Variants in GRK3 observed in about 807,000 individuals in gnomAD.
GRK3 encodes the protein adrenergic, beta, receptor kinase 2.
GRK3 carries 54 observed loss-of-function variants against 95.7 expected under a neutral mutation model. The ratio of observed to expected loss-of-function variants is 0.56; its 90% confidence interval spans 0.45 to 0.71. The LOEUF is 0.71. Ranked by LOEUF, GRK3 falls within the 30% of genes least tolerant of loss-of-function variation. The pLI, the probability that GRK3 is intolerant of heterozygous loss-of-function variation, is 0.00. For synonymous variants in GRK3, 281 were observed against 290.8 expected (o/e 0.97, Z 0.34); for missense variants, 649 against 851.2 (o/e 0.76, Z 2.96).
chr22:25,586,807 G>A (rs1392624151), intron 1 of GRK3, among the ~76,000 whole-genome samples: 4 of 152,240 alleles, frequency 2.6e-5, no homozygotes, highest in Non-Finnish European at 5.9e-5. Flanking sequence ...AAAGACAACA[G>A]CAAGACCTGG....
chr22:25,650,773 G>A (rs1250146717), intron 3 of GRK3, among the ~76,000 whole-genome samples: 1 of 152,112 alleles, frequency 6.6e-6, no homozygotes, highest in Non-Finnish European at 1.5e-5. Context: ...CACACTAAAT[G>A]GGCATTATTT....
chr22:25,573,749 A>G (rs2146312569), intron 1 of GRK3, among the ~76,000 whole-genome samples: 2 of 152,250 alleles, frequency 1.3e-5, no homozygotes, highest in African/African-American at 4.8e-5. Context: ...AAATACAAAA[A>G]TTAGCTGGGC....
At chr22:25,629,735 G>A (rs549265243) in intron 2 of GRK3, among the ~76,000 whole-genome samples, 18 of 152,276 alleles carry the variant, frequency 1.2e-4, no homozygotes, top group African/African-American at 4.3e-4. Context: ...AACACCCATG[G>A]AAAGTTTCAA....
chr22:25,690,175 C>T lies in GRK3; in HGVS notation c.958-14C>T. On this transcript the variant is annotated splice_polypyrimidine_tract_variant and intron_variant, in intron 11 of 20. Coordinates refer to ENST00000324198, the MANE Select transcript of GRK3 (RefSeq NM_005160.4). Reference sequence around the variant, plus strand: ...TGGGGCACTCTTATTAAAGATTATTCTCTTTCTGTTTAGCCAGCAAATATT... The same window carrying T: ...TGGGGCACTCTTATTAAAGATTATTTTCTTTCTGTTTAGCCAGCAAATATT... The T allele has an allele frequency of 6.2e-7, 1 of 1,603,722 alleles. No individual in the cohort carries two copies. The highest frequency in any genetic ancestry group is 8.5e-7 in the Non-Finnish European group (1 of 1,170,834).
chr22:25,683,703 A>G (rs1034811594), intron 9 of GRK3, among the ~76,000 whole-genome samples: 3 of 151,194 alleles, frequency 2.0e-5, no homozygotes, highest in African/African-American at 7.3e-5. Flanking sequence ...TTTTTTCCCC[A>G]TTTTTCTGGG....
At chr22:25,569,836 C>A (rs745359309) in intron 1 of GRK3, among the ~76,000 whole-genome samples, 7 of 151,788 alleles carry the variant, frequency 4.6e-5, no homozygotes, top group South Asian at 4.2e-4. Flanking sequence ...TCATTTGTCC[C>A]CACAGTAGTT....
intron 6 of GRK3, among the ~76,000 whole-genome samples, chr22:25,668,322 C>T (rs2084956472): frequency 6.6e-6 from 1 of 152,150 alleles, no homozygotes; most frequent in African/African-American, 2.4e-5. Flanking sequence ...TTGAGTATGT[C>T]TCTGTGACAA....
intron 3 of GRK3, among the ~76,000 whole-genome samples, chr22:25,657,416 A>G (rs367669733): frequency 1.3e-5 from 2 of 152,154 alleles, no homozygotes; most frequent in African/African-American, 4.8e-5. Context: ...TCCATATGAA[A>G]TGTGTCTATC....
chr22:25,687,396 A>G (rs113047032), intron 10 of GRK3, 141 bp from the exon 11 acceptor site: 44 of 753,290 alleles, frequency 5.8e-5, no homozygotes, highest in African/African-American at 5.8e-4. Flanking sequence ...TTGCTAAACT[A>G]CAGGAATGAA....
At chr22:25,669,624 G>A (rs1280446159) in intron 6 of GRK3, among the ~76,000 whole-genome samples, 1 of 152,154 alleles carries the variant, frequency 6.6e-6, no homozygotes, top group Non-Finnish European at 1.5e-5. Context: ...TGTCAAAAGT[G>A]TCCCACTCAG....
chr22:25,683,634 T>C (rs1376616711), intron 9 of GRK3, among the ~76,000 whole-genome samples: 3 of 152,238 alleles, frequency 2.0e-5, no homozygotes, highest in Admixed American at 1.3e-4. Context: ...ACATCGAGGT[T>C]GAGCATCTGT....
At chr22:25,603,024 C>T (rs2084419485) in intron 1 of GRK3, among the ~76,000 whole-genome samples, 1 of 152,188 alleles carries the variant, frequency 6.6e-6, no homozygotes, top group South Asian at 2.1e-4. Flanking sequence ...TCAAGTGATT[C>T]TCCTGCCTCA....
Position 25,635,772 on chromosome 22 carries a change from G to A in GRK3, c.191-8820G>A, listed in dbSNP as rs557586856. Reference sequence around the variant, plus strand: ...TTAGTTATGAGTTTTCCCTTTGTAAGTAAGTAACTCGTGGAAGTTACTTTT... The same window carrying A: ...TTAGTTATGAGTTTTCCCTTTGTAAATAAGTAACTCGTGGAAGTTACTTTT... On this transcript the variant is annotated intron_variant, in intron 2 of 20. Transcript: ENST00000324198. Among the ~76,000 whole-genome samples the A allele has an allele frequency of 7.2e-5, 11 of 152,260 alleles. No individual in the cohort carries two copies. The South Asian group carries it at 2.3e-3, about 32-fold the overall frequency.
At chr22:25,690,118 G>T in intron 11 of GRK3, 71 bp from the exon 12 acceptor site, 1 of 1,073,616 alleles carries the variant, frequency 9.3e-7, no homozygotes. Flanking sequence ...TCAGGTGTCT[G>T]CACTCAAAGT....
chr22:25,609,163 C>G (rs2084475762), intron 2 of GRK3, among the ~76,000 whole-genome samples: 1 of 152,098 alleles, frequency 6.6e-6, no homozygotes, highest in African/African-American at 2.4e-5. Flanking sequence ...TCTTTTGTGA[C>G]TATTTTTCTT....
intron 11 of GRK3, among the ~76,000 whole-genome samples, chr22:25,688,810 G>T (rs965483552): frequency 1.3e-5 from 2 of 152,228 alleles, no homozygotes; most frequent in Admixed American, 6.5e-5. Context: ...TGGAGAAAAA[G>T]GGACCTTGAT....
At chr22:25,667,924 G>T in intron 6 of GRK3, 124 bp downstream of exon 6, 1 of 608,672 alleles carries the variant, frequency 1.6e-6, no homozygotes. Context: ...GACCATGTAC[G>T]ATGTGCCAGG....
At position 25,728,591 on chromosome 22, in the gene GRK3, G is replaced by A. The variant is rs2085492639; in HGVS notation, c.*6141G>A. On this transcript the variant is annotated 3_prime_UTR_variant, in exon 21 of 21. Coordinates refer to ENST00000324198, the MANE Select transcript of GRK3 (RefSeq NM_005160.4). ...ACCATCAGCCTTGCCATTGCCTTAAGATTTGATTATTGCACCCAATTACCT... is the reference window on the plus strand; with the variant it reads ...ACCATCAGCCTTGCCATTGCCTTAAAATTTGATTATTGCACCCAATTACCT... 6.6e-6 allele frequency: 1 copy of A among 152,138 alleles called. No individual in the cohort carries two copies. The allele number at this position is 152,138 out of a possible 1,614,324, so 9.4% of individuals were successfully genotyped here. A position where few individuals can be genotyped will look rare whatever the true frequency, so the allele number is the denominator to read the frequency against.
intron 1 of GRK3, among the ~76,000 whole-genome samples, chr22:25,588,607 T>C (rs1322700132): frequency 6.6e-6 from 1 of 152,164 alleles, no homozygotes; most frequent in Non-Finnish European, 1.5e-5. Context: ...GCGTGCTTGA[T>C]GAGTGGTTTG....
Sources: gnomAD v4.1 joint callset for allele counts (sites outside exome capture counted in the v4.1 genomes callset) on GRCh38, gnomAD v4.1.1 for gene constraint, MANE v1.5 for transcripts, NCBI Gene and HGNC (gene_info 2026-07-23, HGNC 2026-07-21) for gene names.